Variants in L3HYPDH observed in about 807,000 individuals in gnomAD.
The protein encoded by L3HYPDH is trans-L-3-hydroxyproline dehydratase, also known as trans-3-hydroxy-L-proline dehydratase.
In L3HYPDH, 32 loss-of-function variants were observed where a neutral mutation model predicts 26.5. That is an observed-to-expected ratio of 1.21 (90% confidence interval 0.91 to 1.62). The LOEUF is 1.62. Ranked by LOEUF, L3HYPDH falls within the 40% of genes most tolerant of loss-of-function variation. The probability of loss-of-function intolerance (pLI) is 0.00; values close to 1 mark genes in which losing one functional copy is unlikely to be tolerated. For synonymous variants in L3HYPDH, 215 were observed against 196.6 expected (o/e 1.09, Z -0.78); for missense variants, 554 against 476.4 (o/e 1.16, Z -1.52).
the L3HYPDH span, chr14:59,499,015 C>CTTTTTTTTTTTT: frequency 8.0e-6 from 1 of 124,342 alleles, no homozygotes; most frequent in Non-Finnish European, 1.4e-5. Context: ...TTGTTTAATC[C>CTTTTTTTTTTTT]TTTTTTTTTT....
At chr14:59,496,079 T>A in the L3HYPDH span, among the ~76,000 whole-genome samples, 2 of 152,156 alleles carry the variant, frequency 1.3e-5, no homozygotes, top group African/African-American at 4.8e-5. Context: ...AATTTTTGTA[T>A]TTTTAGTAGA....
chr14:59,502,764 T>TGTTTTGTTTTG, the L3HYPDH span, among the ~76,000 whole-genome samples: 4 of 130,472 alleles, frequency 3.1e-5, no homozygotes, highest in Non-Finnish European at 6.3e-5. Flanking sequence ...TTTTTTTTTT[T>TGTTTTGTTTTG]TTTTTTTTTC....
At chr14:59,494,586 A>G in the L3HYPDH span, among the ~76,000 whole-genome samples, 216 of 152,332 alleles carry the variant, frequency 1.4e-3, no homozygotes, top group African/African-American at 5.0e-3. Context: ...GGTTGCCTCT[A>G]AGGGAGAGAC....
upstream of L3HYPDH, chr14:59,487,618 G>C (rs1000915779): frequency 5.3e-5 from 68 of 1,288,994 alleles, no homozygotes; most frequent in Non-Finnish European, 7.4e-5. Flanking sequence ...ATTTGGGGGG[G>C]TGTTAATGTT....
chr14:59,480,236 G>A (rs1222835679), intron 1 of L3HYPDH, among the ~76,000 whole-genome samples: 3 of 152,170 alleles, frequency 2.0e-5, no homozygotes, highest in Non-Finnish European at 4.4e-5. Context: ...ATTTCTCCTA[G>A]AGATAAATTT....
the L3HYPDH span, chr14:59,500,874 G>T: frequency 1.0e-5 from 2 of 196,418 alleles, no homozygotes; most frequent in East Asian, 1.2e-4. Context: ...AGTATGAAAC[G>T]TATGTTTTAT....
At chr14:59,479,037 T>C (rs1032199229) in intron 2 of L3HYPDH, 145 bp downstream of exon 2, 5 of 634,246 alleles carry the variant, frequency 7.9e-6, no homozygotes, top group Non-Finnish European at 1.2e-5. Flanking sequence ...AAGCTTGCTC[T>C]AGAGCCTAAG....
intron 2 of L3HYPDH, chr14:59,478,973 G>A: frequency 2.4e-6 from 1 of 423,226 alleles, no homozygotes; most frequent in South Asian, 7.9e-5. Flanking sequence ...TTTGTGTTGG[G>A]CCACATTCAA....
chr14:59,495,706 T>TG, the L3HYPDH span, among the ~76,000 whole-genome samples: 3 of 152,192 alleles, frequency 2.0e-5, no homozygotes, highest in African/African-American at 7.2e-5. Context: ...TGATATTTTT[T>TG]GGGGGAAAGG....
the L3HYPDH span, among the ~76,000 whole-genome samples, chr14:59,502,085 T>G: frequency 6.6e-6 from 1 of 152,316 alleles, no homozygotes; most frequent in Non-Finnish European, 1.5e-5. Context: ...AATGTATTCA[T>G]TAAACTTTGA....
At chr14:59,483,762 G>A in intron 1 of L3HYPDH, 47 bp downstream of exon 1, 1 of 1,575,648 alleles carries the variant, frequency 6.3e-7, no homozygotes, top group Admixed American at 1.8e-5. Context: ...AGTTAGTCGC[G>A]TCCCGGTTGC....
chr14:59,499,190 AT>A, the L3HYPDH span, among the ~76,000 whole-genome samples: 6 of 151,236 alleles, frequency 4.0e-5, no homozygotes, highest in Non-Finnish European at 8.9e-5. Context: ...CACCCAGCTA[AT>A]TTTTGTATTT....
At chr14:59,492,984 G>C in the L3HYPDH span, among the ~76,000 whole-genome samples, 1 of 151,496 alleles carries the variant, frequency 6.6e-6, no homozygotes, top group Non-Finnish European at 1.5e-5. Context: ...ATCTTTAGTA[G>C]AGACGGGGTT....
upstream of L3HYPDH, among the ~76,000 whole-genome samples, chr14:59,486,340 T>C (rs747715358): frequency 5.2e-4 from 79 of 152,226 alleles, no homozygotes; most frequent in Non-Finnish European, 1.0e-3. Flanking sequence ...CTGGGCAAAA[T>C]ACAAGGTGGT....
At chr14:59,468,937 C>T (rs538946815), downstream of L3HYPDH, among the ~76,000 whole-genome samples, 14 of 152,162 alleles carry the variant, frequency 9.2e-5, no homozygotes, top group South Asian at 2.5e-3. Flanking sequence ...GCGTAAGTAA[C>T]ACATGAGGAC....
upstream of L3HYPDH, chr14:59,487,792 A>G: frequency 6.2e-7 from 1 of 1,613,668 alleles, no homozygotes; most frequent in Non-Finnish European, 8.5e-7. Flanking sequence ...CTGGTTTTAC[A>G]TTGGTTCTTC....
the L3HYPDH span, chr14:59,501,110 A>G: frequency 2.2e-6 from 2 of 909,714 alleles, no homozygotes; most frequent in African/African-American, 3.4e-5. Context: ...ACTCTAAGGA[A>G]AATTACTATT....
chr14:59,481,725 G>C (rs764428114), intron 1 of L3HYPDH, among the ~76,000 whole-genome samples: 1 of 150,222 alleles, frequency 6.7e-6, no homozygotes, highest in Non-Finnish European at 1.5e-5. Context: ...AATACACTAA[G>C]CACTATTCTA....
At chr14:59,485,333 T>G, upstream of L3HYPDH, 1 of 464,420 alleles carries the variant, frequency 2.2e-6, no homozygotes, top group Non-Finnish European at 3.6e-6. Flanking sequence ...TGATTACAAT[T>G]GGTTACAAAA....
Sources: allele counts gnomAD v4.1 joint callset (sites outside exome capture counted in the v4.1 genomes callset), GRCh38; gene constraint gnomAD v4.1.1; transcripts MANE v1.5; gene names NCBI Gene and HGNC (gene_info 2026-07-23, HGNC 2026-07-21).